Variants in JAKMIP3 observed in about 807,000 individuals in gnomAD.
JAKMIP3 encodes the protein Janus kinase and microtubule interacting protein 3, also known as janus kinase and microtubule-interacting protein 3.
In JAKMIP3, 58 loss-of-function variants were observed where a neutral mutation model predicts 118.5. That is an observed-to-expected ratio of 0.49 (90% confidence interval 0.40 to 0.61). JAKMIP3 has a LOEUF of 0.61. Among genes scored for constraint, JAKMIP3 ranks in the 20% least tolerant of loss-of-function variants. JAKMIP3 has a pLI of 0.00. For missense variants in JAKMIP3, 950 were observed against 1,109.0 expected (o/e 0.86, Z 2.04); for synonymous variants, 486 against 451.2 (o/e 1.08, Z -0.98).
At chr10:132,058,098 G>T (rs1007655631) in intron 1 of JAKMIP3, among the ~76,000 whole-genome samples, 1 of 152,198 alleles carries the variant, frequency 6.6e-6, no homozygotes, top group Non-Finnish European at 1.5e-5. Context: ...GGGGCTGCTT[G>T]GTGGTGGGAA....
chr10:132,095,182 C>T (rs539867572), intron 1 of JAKMIP3, among the ~76,000 whole-genome samples: 1 of 152,204 alleles, frequency 6.6e-6, no homozygotes, highest in East Asian at 1.9e-4. Context: ...GGCTTTCATT[C>T]TTCCTCTACC....
chr10:132,132,490 C>T (rs2050831836), intron 3 of JAKMIP3, among the ~76,000 whole-genome samples: 1 of 152,090 alleles, frequency 6.6e-6, no homozygotes, highest in African/African-American at 2.4e-5. Context: ...GCAGCGGCTG[C>T]CATATCCCCG....
chr10:132,036,974 C>T (rs2037526553), intron 1 of JAKMIP3, among the ~76,000 whole-genome samples: 1 of 152,078 alleles, frequency 6.6e-6, no homozygotes, highest in Non-Finnish European at 1.5e-5. Flanking sequence ...CTGCACAGGC[C>T]TCGGCGCTGG....
Position 132,145,110 on chromosome 10 carries a change from C to T in JAKMIP3, c.1606C>T (p.Arg536Cys), listed in dbSNP as rs373222736. The change falls in exon 12 of 24, where the codon CGT becomes TGT. Residue 536 changes from arginine (R) to cysteine (C), a missense_variant. Physicochemically the swap from Arg to Cys is radical, Grantham distance 180. Coordinates refer to ENST00000684848, the MANE Select transcript of JAKMIP3 (RefSeq NM_001323087.2). Reference sequence around the variant, plus strand: ...TATCTTTCCTCCCGTCCTACAGACCCGTGAGCAGCTACAAGCCGAAGTGCA... The same window carrying T: ...TATCTTTCCTCCCGTCCTACAGACCTGTGAGCAGCTACAAGCCGAAGTGCA... ...TLDAEREVKT[R>C]EQLQAEVQRA... 3.8e-5 allele frequency: 61 copies of T among 1,611,732 alleles called. No homozygotes were observed. The highest frequency in any genetic ancestry group is 4.7e-5 in the Non-Finnish European group (56 of 1,179,470).
intron 23 of JAKMIP3, among the ~76,000 whole-genome samples, chr10:132,180,648 TGTGCGTGTGC>T (rs1165347852): frequency 0.014 from 361 of 25,082 alleles, 32 homozygotes; most frequent in East Asian, 0.03. Context: ...CGTGTGTGCG[TGTGCGTGTGC>T]GTGTGTGCGT....
At chr10:132,067,185 A>G (rs2038922385) in intron 1 of JAKMIP3, among the ~76,000 whole-genome samples, 1 of 151,582 alleles carries the variant, frequency 6.6e-6, no homozygotes, top group South Asian at 2.1e-4. Flanking sequence ...GAGGTTCCCT[A>G]AGAGTCCCAC....
intron 1 of JAKMIP3, among the ~76,000 whole-genome samples, chr10:132,082,074 A>G (rs1376394870): frequency 2.0e-5 from 3 of 149,662 alleles, no homozygotes; most frequent in Non-Finnish European, 4.4e-5. Flanking sequence ...ATGCTTGGCA[A>G]TTTTTTAAAT....
chr10:132,048,425 A>ATTTGTCTG (rs1236774908), intron 1 of JAKMIP3, among the ~76,000 whole-genome samples: 1 of 151,980 alleles, frequency 6.6e-6, no homozygotes, highest in African/African-American at 2.4e-5. Flanking sequence ...CCTTCTCCCC[A>ATTTGTCTG]TTTGTCTGTT....
intron 1 of JAKMIP3, among the ~76,000 whole-genome samples, chr10:132,095,057 G>A (rs1297532263): frequency 6.6e-6 from 1 of 152,154 alleles, no homozygotes; most frequent in Non-Finnish European, 1.5e-5. Context: ...CAAATTGAAG[G>A]GCTGGTCTCA....
At position 132,049,747 on chromosome 10, in the gene JAKMIP3, G is replaced by A. The variant is rs556929785; in HGVS notation, c.-138+13009G>A. 6.6e-5 allele frequency among the ~76,000 whole-genome samples: 10 copies of A among 152,236 alleles called. No homozygotes were observed. The highest frequency in any genetic ancestry group is 2.4e-4 in the African/African-American group (10 of 41,550). ...GATCCTCCCACCTTGGCCTCCCAAAGTGCTGGGATTACAGGAGTGAGCCAC... is the reference window on the plus strand; with the variant it reads ...GATCCTCCCACCTTGGCCTCCCAAAATGCTGGGATTACAGGAGTGAGCCAC... On this transcript the variant is annotated intron_variant, in intron 1 of 23. Coordinates refer to the JAKMIP3 transcript ENST00000657785. This position sits in a 1 kb window ranked among gnomAD's most constrained non-coding sequence, Gnocchi z 4.3.
chr10:132,092,582 G>T (rs1039166853), intron 1 of JAKMIP3, among the ~76,000 whole-genome samples: 5 of 152,054 alleles, frequency 3.3e-5, no homozygotes, highest in African/African-American at 1.2e-4. Flanking sequence ...TTGTGCATTT[G>T]TCACGTAGTT....
At chr10:132,041,503 G>A (rs1030919193) in intron 1 of JAKMIP3, among the ~76,000 whole-genome samples, 3 of 152,236 alleles carry the variant, frequency 2.0e-5, no homozygotes, top group African/African-American at 4.8e-5. Flanking sequence ...AGCCAGTGTG[G>A]CCCCTCTGCC....
At chr10:132,069,412 C>A (rs1437018288) in intron 1 of JAKMIP3, among the ~76,000 whole-genome samples, 1 of 152,138 alleles carries the variant, frequency 6.6e-6, no homozygotes, top group Non-Finnish European at 1.5e-5. Flanking sequence ...TGGGGTGGGT[C>A]TGAGCAGGAA....
chr10:132,168,160 C>A lies in JAKMIP3; in HGVS notation c.*230C>A. ...ACTAGAACTGGCTCTGCCGACTTCT[C>A]GGGGGCTTCTCCGGGACGGGCCTGG... On this transcript the variant is annotated 3_prime_UTR_variant, in exon 23 of 24. Coordinates refer to ENST00000684848, the MANE Select transcript of JAKMIP3 (RefSeq NM_001323087.2). 7.8e-7 allele frequency: 1 copy of A among 1,285,856 alleles called. No individual in the cohort carries two copies. Among genetic ancestry groups the A allele is most frequent in the Non-Finnish European group, 1.0e-6 (1 of 986,660 alleles). 79.7% of individuals were successfully genotyped at this position (1,285,856 alleles called of 1,614,324 possible).
chr10:132,079,039 C>T (rs73395779), intron 1 of JAKMIP3, among the ~76,000 whole-genome samples: 2,309 of 150,780 alleles, frequency 0.015, 51 homozygotes, highest in African/African-American at 0.053. Context: ...ACTCCTGCCC[C>T]GTCACCCTCT....
chr10:132,054,774 TG>T, intron 1 of JAKMIP3, among the ~76,000 whole-genome samples: 1 of 152,342 alleles, frequency 6.6e-6, no homozygotes, highest in South Asian at 2.1e-4. Context: ...GCTGTTCCCC[TG>T]GGCTCGGGGA....
At chr10:132,090,531 G>C (rs2042966732) in intron 1 of JAKMIP3, among the ~76,000 whole-genome samples, 1 of 152,172 alleles carries the variant, frequency 6.6e-6, no homozygotes, top group South Asian at 2.1e-4. Flanking sequence ...ATGGTAGTTT[G>C]TATTTCTGTG....
chr10:132,075,115 C>G (rs2040575370), intron 1 of JAKMIP3, among the ~76,000 whole-genome samples: 2 of 152,098 alleles, frequency 1.3e-5, no homozygotes, highest in Non-Finnish European at 2.9e-5. Flanking sequence ...TAATATGATG[C>G]CTCCAGCTTT....
Position 132,111,034 on chromosome 10 carries a change from A to G in JAKMIP3, c.136-6043A>G, listed in dbSNP as rs183733606. On this transcript the variant is annotated intron_variant, in intron 2 of 23. Transcript: ENST00000684848. ...CCGCCCTCCTGCAGGCTGAGCCCCAACTCTTGGAACTGTACCCTGGATGAG... is the reference window on the plus strand; with the variant it reads ...CCGCCCTCCTGCAGGCTGAGCCCCAGCTCTTGGAACTGTACCCTGGATGAG... 2.0e-4 allele frequency among the ~76,000 whole-genome samples: 31 copies of G among 152,336 alleles called. No individual in the cohort carries two copies. In the East Asian group the frequency reaches 5.4e-3, roughly 27 times the overall value.
Sources: allele counts gnomAD v4.1 joint callset (sites outside exome capture counted in the v4.1 genomes callset), GRCh38; gene constraint gnomAD v4.1.1; non-coding constraint Gnocchi (gnomAD v3.1); transcripts MANE v1.5; gene names NCBI Gene and HGNC (gene_info 2026-07-23, HGNC 2026-07-21).